The following SPEF2 variants were observed in gnomAD, a reference collection of about 807,000 sequenced individuals.
The protein encoded by SPEF2 is sperm flagella and cilia-associated protein 2.
Under a neutral mutation model 224.6 loss-of-function variants are expected in SPEF2, and 187 were observed. The observed-to-expected ratio is 0.83, with a 90% CI of 0.74 to 0.94. The LOEUF (loss-of-function observed/expected upper bound fraction) is 0.94, where lower values mean the gene tolerates loss of function less well. SPEF2 is among the 40% of genes least tolerant of loss of function. SPEF2 has a pLI of 0.00. For missense variants in SPEF2, 2,170 were observed against 2,135.6 expected (o/e 1.02, Z -0.32); for synonymous variants, 715 against 707.3 (o/e 1.01, Z -0.17).
intron 36 of SPEF2, chr5:35,808,194 T>G: frequency 1.1e-6 from 1 of 914,180 alleles, no homozygotes; most frequent in Non-Finnish European, 1.3e-6. Flanking sequence ...AATATTAAAT[T>G]ATTAATTAAT....
chr5:35,736,468 A>AGTGTGTGTGTGT (rs139387194), intron 21 of SPEF2, among the ~76,000 whole-genome samples: 37 of 149,244 alleles, frequency 2.5e-4, no homozygotes, highest in African/African-American at 9.1e-4. Context: ...CAAGTGACAG[A>AGTGTGTGTGTGT]GTGTGTGTGT....
chr5:35,639,693 A>G (rs1462472205), intron 2 of SPEF2, among the ~76,000 whole-genome samples: 1 of 151,748 alleles, frequency 6.6e-6, no homozygotes, highest in Non-Finnish European at 1.5e-5. Flanking sequence ...AATAGTCAAG[A>G]CAATTTCTCG....
chr5:35,631,807 T>G lies in SPEF2; in HGVS notation c.161+3245T>G, dbSNP rs560325550. Among the ~76,000 whole-genome samples, 3 of 152,314 alleles carry G rather than the reference T, an allele frequency of 2.0e-5. No individual in the cohort carries two copies. The South Asian group carries it at 6.2e-4, about 32-fold the overall frequency. ...TTCACAGAGTTCCAAAGAGCAAAAC[T>G]TGTATTTGTCACAAACTGAGTACTA... On this transcript the variant is annotated intron_variant, in intron 2 of 36. Transcript: ENST00000356031.
At chr5:35,621,819 T>C (rs989174506) in intron 1 of SPEF2, among the ~76,000 whole-genome samples, 19 of 152,184 alleles carry the variant, frequency 1.2e-4, no homozygotes, top group African/African-American at 4.3e-4. Context: ...ATGTGCTGTG[T>C]TTTACTTTTT....
chr5:35,690,119 AAC>A (rs1754233484), intron 10 of SPEF2, among the ~76,000 whole-genome samples: 1 of 152,120 alleles, frequency 6.6e-6, no homozygotes, highest in Non-Finnish European at 1.5e-5. Flanking sequence ...ATACATAATA[AAC>A]ACATGTATTG....
chr5:35,672,508 G>A lies in SPEF2; in HGVS notation c.1524+2281G>A, dbSNP rs151059715. Among the ~76,000 whole-genome samples the A allele has an allele frequency of 7.0e-3, 1,065 of 151,506 alleles. 15 individuals are homozygous for A. The highest frequency in any genetic ancestry group is 0.025 in the African/African-American group (1,031 of 41,394). ...CTGCCTGTTGTGATAGACTATTTAA[G>A]CCAGATAATATATTTTACAAGTTGA... On this transcript the variant is annotated intron_variant, in intron 10 of 36. Coordinates refer to ENST00000356031, the MANE Select transcript of SPEF2 (RefSeq NM_024867.4).
chr5:35,805,986 T>C (rs564242545), intron 34 of SPEF2, among the ~76,000 whole-genome samples: 77 of 152,300 alleles, frequency 5.1e-4, no homozygotes, highest in Middle Eastern at 3.4e-3. Flanking sequence ...GCTGTAACAC[T>C]GAATGAACAG....
At chr5:35,699,003 A>C (rs1755740318) in intron 15 of SPEF2, 1 of 152,220 alleles carries the variant, frequency 6.6e-6, no homozygotes, top group African/African-American at 2.4e-5. Flanking sequence ...TTATAAAACC[A>C]AAATGAAGTC....
chr5:35,644,614 G>A (rs1747090888), intron 4 of SPEF2, 89 bp downstream of exon 4: 1 of 1,033,390 alleles, frequency 9.7e-7, no homozygotes, highest in East Asian at 2.9e-5. Context: ...ATAAGTAGTA[G>A]TGGAGCACAA....
chr5:35,695,777 CA>C lies in SPEF2; in HGVS notation c.2020del (p.Ser674ValfsTer5), dbSNP rs1219028311. The C allele has an allele frequency of 3.7e-6, 6 of 1,609,152 alleles. No homozygotes were observed. The highest frequency in any genetic ancestry group is 5.1e-6 in the Non-Finnish European group (6 of 1,177,536). ...ACACCAAAAGCTGAAGAAGTCAAAT[CA>C]AGTGATAGTTTCTTAAAAGTAAGTA... ...DKTPKAEEVK[S>X]SDSFLKLTTR... On this transcript the variant is annotated frameshift_variant, in exon 14 of 37. Coordinates refer to ENST00000356031, the MANE Select transcript of SPEF2 (RefSeq NM_024867.4). LOFTEE classifies it high-confidence loss of function.
chr5:35,792,617 C>CA (rs1466313369), intron 31 of SPEF2, among the ~76,000 whole-genome samples, 171 bp downstream of exon 31: 3 of 152,096 alleles, frequency 2.0e-5, no homozygotes, highest in Non-Finnish European at 4.4e-5. Flanking sequence ...ATATAATATG[C>CA]ATATGCTCAA....
At chr5:35,642,751 A>G (rs1746779235) in intron 3 of SPEF2, among the ~76,000 whole-genome samples, 2 of 152,160 alleles carry the variant, frequency 1.3e-5, no homozygotes, top group African/African-American at 4.8e-5. Flanking sequence ...CAATGGATAG[A>G]ATTATATTTT....
intron 1 of SPEF2, among the ~76,000 whole-genome samples, chr5:35,619,438 T>C (rs1420159476): frequency 6.6e-6 from 1 of 152,106 alleles, no homozygotes; most frequent in Non-Finnish European, 1.5e-5. Flanking sequence ...ATGCCAGCCC[T>C]TTGGGAGGCC....
chr5:35,780,618 T>A (rs1754200654), intron 30 of SPEF2, among the ~76,000 whole-genome samples: 1 of 152,214 alleles, frequency 6.6e-6, no homozygotes, highest in Non-Finnish European at 1.5e-5. Context: ...TTCTACATGG[T>A]GCGAGCTCCA....
intron 20 of SPEF2, among the ~76,000 whole-genome samples, chr5:35,725,939 T>C (rs1744574825): frequency 6.6e-6 from 1 of 152,210 alleles, no homozygotes; most frequent in Non-Finnish European, 1.5e-5. Flanking sequence ...GCATGAGGAA[T>C]AGTTACACTG....
At chr5:35,695,314 G>C (rs1187773636) in intron 13 of SPEF2, among the ~76,000 whole-genome samples, 2 of 149,676 alleles carry the variant, frequency 1.3e-5, no homozygotes, top group African/African-American at 2.5e-5. Flanking sequence ...CTGACTTCTA[G>C]AGTCATCTGC....
chr5:35,717,714 G>A (rs1742854575), intron 20 of SPEF2, among the ~76,000 whole-genome samples: 2 of 152,114 alleles, frequency 1.3e-5, no homozygotes, highest in Admixed American at 1.3e-4. Context: ...AAAAGGAGGG[G>A]CTAGGCTCCT....
chr5:35,667,221 G>C lies in SPEF2; in HGVS notation c.1317G>C (p.Leu439Phe). ...AAATTTTGGATCAAATAGTTGATTT[G>C]TCCACTAAAGTGGCAGACTATCGAA... ...CAEILDQIVD[L>F]STKVADYRML... The change falls in exon 9 of 37, where the codon TTG becomes TTC. Residue 439 changes from leucine (L) to phenylalanine (F), a missense_variant. Coordinates refer to ENST00000356031, the MANE Select transcript of SPEF2 (RefSeq NM_024867.4). 1.2e-6 allele frequency: 2 copies of C among 1,605,388 alleles called. No homozygotes were observed.
At chr5:35,664,122 A>G (rs1750103659) in intron 8 of SPEF2, among the ~76,000 whole-genome samples, 1 of 152,120 alleles carries the variant, frequency 6.6e-6, no homozygotes, top group Non-Finnish European at 1.5e-5. Flanking sequence ...CTTCTTGTCT[A>G]GGTCAGGCCT....
Sources: gnomAD v4.1 joint callset for allele counts (sites outside exome capture counted in the v4.1 genomes callset) on GRCh38, gnomAD v4.1.1 for gene constraint, MANE v1.5 for transcripts, NCBI Gene and HGNC (gene_info 2026-07-23, HGNC 2026-07-21) for gene names.